Variants in NLRC5 observed in about 807,000 individuals in gnomAD.
NLRC5 encodes the protein protein NLRC5.
A neutral mutation model predicts 206.9 loss-of-function variants in NLRC5; 114 were observed. That is an observed-to-expected ratio of 0.55 (90% confidence interval 0.47 to 0.64). NLRC5 has a LOEUF of 0.64. Ranked by LOEUF, NLRC5 falls within the 30% of genes least tolerant of loss-of-function variation. The pLI, the probability that NLRC5 is intolerant of heterozygous loss-of-function variation, is 0.00. For missense variants in NLRC5, 2,008 were observed against 2,305.5 expected, an observed-to-expected ratio of 0.87 and a Z score of 2.64; for synonymous variants, 952 against 962.8, an observed-to-expected ratio of 0.99 and a Z score of 0.21.
At chr16:57,043,692 T>C in intron 20 of NLRC5, 88 bp downstream of exon 20, 1 of 1,025,286 alleles carries the variant, frequency 9.8e-7, no homozygotes, top group Non-Finnish European at 1.6e-6. Context: ...TCCACCAGTT[T>C]CATGCCAACC....
intron 14 of NLRC5, 80 bp downstream of exon 14, chr16:57,036,263 T>A: frequency 1.5e-6 from 2 of 1,296,724 alleles, no homozygotes; most frequent in South Asian, 1.2e-5. Flanking sequence ...TAATCAGCAG[T>A]AAGGGTGCTG....
rs2062223808 is a variant in NLRC5 at position 57,034,189 on chromosome 16, G to A, written c.2565G>A (p.Gln855=). The A allele has an allele frequency of 6.2e-7, 1 of 1,614,100 alleles. No homozygotes were observed. Among genetic ancestry groups the A allele is most frequent in the Non-Finnish European group, 8.5e-7 (1 of 1,179,990 alleles). The change falls in exon 13 of 49, where the codon CAG becomes CAA. Residue 855 remains glutamine (Q), a synonymous_variant. Transcript: ENST00000688547. The stretch of plus-strand genomic sequence containing the variant: ...CAAGGCTGCAGAAGTGTCAGCTCCA[G>A]GTCCACGATGCGGAGGCCCTCATAG... ...LTLRLQKCQL[Q]VHDAEALIAL... is the part of the protein sequence containing the mutation.
In NLRC5 at chr16:57,075,987, C is replaced by T. The variant is rs182981649; in HGVS notation, c.4752-832C>T. The T allele has an allele frequency of 4.7e-3, 788 of 168,564 alleles. 14 individuals carry two copies. Among genetic ancestry groups the T allele is most frequent in the African/African-American group, 0.018 (759 of 41,700 alleles). The allele number at this position is 168,564 out of a possible 1,614,324, so 10.4% of individuals were successfully genotyped here. On this transcript the variant is annotated intron_variant, in intron 39 of 48. Coordinates refer to ENST00000688547, the MANE Select transcript of NLRC5 (RefSeq NM_001384950.1). Reference sequence around the variant, plus strand: ...GGAGTGCAGTGGCATGATCTCACTTCACTGCAACCTCTGCCTCCTGGGTTC... The same window carrying T: ...GGAGTGCAGTGGCATGATCTCACTTTACTGCAACCTCTGCCTCCTGGGTTC...
At chr16:57,064,082 A>G (rs933138855) in intron 32 of NLRC5, among the ~76,000 whole-genome samples, 1 of 146,988 alleles carries the variant, frequency 6.8e-6, no homozygotes, top group African/African-American at 2.5e-5. Context: ...TAAAAATAAT[A>G]TTGGTTGGGG....
intron 1 of NLRC5, among the ~76,000 whole-genome samples, chr16:57,001,592 C>A (rs558661839): frequency 2.0e-5 from 3 of 152,136 alleles, no homozygotes; most frequent in South Asian, 4.2e-4. Flanking sequence ...GTGGATTGAA[C>A]CTTTTTTTTA....
chr16:56,993,539 G>A, intron 1 of NLRC5, among the ~76,000 whole-genome samples: 1 of 152,152 alleles, frequency 6.6e-6, no homozygotes, highest in East Asian at 1.9e-4. Context: ...GGATAAATAA[G>A]GCAAATTATC....
At chr16:57,045,595 G>T (rs931841694) in intron 21 of NLRC5, 103 bp downstream of exon 21, 1 of 1,092,690 alleles carries the variant, frequency 9.2e-7, no homozygotes. Flanking sequence ...TCAGCTCTCA[G>T]TTAAACCACC....
chr16:57,025,395 T>C lies in NLRC5; in HGVS notation c.452T>C (p.Leu151Pro). The C allele has an allele frequency of 6.5e-7, 1 of 1,548,312 alleles. No individual in the cohort carries two copies. Among genetic ancestry groups the C allele is most frequent in the South Asian group, 1.2e-5 (1 of 80,208 alleles). Residue 151 changes from leucine to proline, a missense_variant, in exon 6 of 49, where the codon CTG becomes CCG. Physicochemically the swap from Leu to Pro is moderately conservative, Grantham distance 98. Transcript: ENST00000688547. ...TTGGCCAAGAAGTACCTGCAGCTCCTGCGGACCTCTGCCCAGCAGCGCTAC... is the reference window on the plus strand; with the variant it reads ...TTGGCCAAGAAGTACCTGCAGCTCCCGCGGACCTCTGCCCAGCAGCGCTAC... ...LELAKKYLQLLRTSAQQRYRS... is the reference protein window; with the variant it reads ...LELAKKYLQLPRTSAQQRYRS...
chr16:57,053,662 G>A (rs2065225375), intron 24 of NLRC5, among the ~76,000 whole-genome samples: 1 of 152,162 alleles, frequency 6.6e-6, no homozygotes, highest in African/African-American at 2.4e-5. Flanking sequence ...CCAAGTAGCT[G>A]GGATTACAGG....
In NLRC5 at chr16:57,004,304, C is replaced by G. The variant is rs150264273; in HGVS notation, c.-127-12770C>G. On this transcript the variant is annotated intron_variant, in intron 1 of 48. Transcript: ENST00000688547. ...TGTTTTTTGTTGTTTAAATTGAGAC[C>G]AGCTCTCACAATGTTGCCCAGGCTC... 2.3e-3 allele frequency among the ~76,000 whole-genome samples: 352 copies of G among 152,180 alleles called. 1 individual carries two copies. Among genetic ancestry groups the G allele is most frequent in the African/African-American group, 8.1e-3 (337 of 41,500 alleles).
chr16:57,011,282 G>A (rs979079675), intron 1 of NLRC5, among the ~76,000 whole-genome samples: 4 of 152,042 alleles, frequency 2.6e-5, no homozygotes, highest in Non-Finnish European at 5.9e-5. Flanking sequence ...GCATGGTGGT[G>A]GGTGCCTATA....
Position 57,067,376 on chromosome 16 carries a change from T to A in NLRC5, c.4323-11T>A, listed in dbSNP as rs2067186527. Reference sequence around the variant, plus strand: ...ATGTTCCAAAACTGTCGTCTCCCTGTCTGTGTCCAGGTTGGCTCACTGTGA... The same window carrying A: ...ATGTTCCAAAACTGTCGTCTCCCTGACTGTGTCCAGGTTGGCTCACTGTGA... On this transcript the variant is annotated splice_polypyrimidine_tract_variant and intron_variant, in intron 34 of 48. Transcript: ENST00000688547. 1.9e-6 allele frequency: 3 copies of A among 1,613,488 alleles called. No homozygotes were observed. In the Middle Eastern group the frequency reaches 4.9e-4, roughly 265 times the overall value.
chr16:57,053,674 G>A (rs1275155927), intron 24 of NLRC5, among the ~76,000 whole-genome samples: 15 of 152,068 alleles, frequency 9.9e-5, no homozygotes, highest in Admixed American at 7.9e-4. Flanking sequence ...GATTACAGGC[G>A]TGCACCATCA....
Position 57,055,039 on chromosome 16 carries a change from C to A in NLRC5, c.3604C>A (p.His1202Asn). Residue 1202 changes from histidine (H) to asparagine (N), a missense_variant, in exon 26 of 49, where the codon CAC (histidine) becomes AAC (asparagine). Physicochemically the swap from His to Asn is moderately conservative, Grantham distance 68. Transcript: ENST00000688547. Reference protein sequence around the residue: ...RVKKVDLRSLHHATLHFRSNE... With the variant: ...RVKKVDLRSLNHATLHFRSNE... ...AGGTCCTGTCTGATCCAGGTCCCTG[C>A]ACCATGCAACTTTGCACTTCAGATC... is the stretch of plus-strand genomic sequence containing the variant. 6.2e-7 allele frequency: 1 copy of A among 1,614,232 alleles called. No homozygotes were observed. The highest frequency in any genetic ancestry group is 8.5e-7 in the Non-Finnish European group (1 of 1,180,044).
At position 57,041,534 on chromosome 16, in the gene NLRC5, G is replaced by A; in HGVS notation, c.2989G>A (p.Ala997Thr). ...AAAGCACCTAGAGCAGCTCTGCAAG[G>A]CTCTGGGAGGAAGCTGCCACCTCGG... ...QEKHLEQLCKALGGSCHLGHL... is the reference protein window; with the variant it reads ...QEKHLEQLCKTLGGSCHLGHL... The change falls in exon 18 of 49, where the codon GCT becomes ACT. Residue 997 changes from alanine (A) to threonine (T), a missense_variant. Ala to Thr is a moderately conservative substitution (Grantham distance 58, BLOSUM62 0). Coordinates refer to ENST00000688547, the MANE Select transcript of NLRC5 (RefSeq NM_001384950.1). 1 of 1,614,172 alleles carries A rather than the reference G, an allele frequency of 6.2e-7. No individual in the cohort carries two copies. The highest frequency in any genetic ancestry group is 8.5e-7 in the Non-Finnish European group (1 of 1,180,012).
intron 24 of NLRC5, 72 bp downstream of exon 24, chr16:57,051,693 G>A: frequency 1.6e-6 from 2 of 1,217,648 alleles, no homozygotes; most frequent in Non-Finnish European, 2.4e-6. Context: ...TGGCAAAGCT[G>A]TACCTGCCCT....
At chr16:57,069,624 T>A in intron 36 of NLRC5, 2 of 582,956 alleles carry the variant, frequency 3.4e-6, no homozygotes, top group Non-Finnish European at 6.1e-6. Context: ...TGACTGCGGT[T>A]TAGGAAATAC....
chr16:56,996,597 T>C (rs553077608), intron 1 of NLRC5, among the ~76,000 whole-genome samples: 2 of 152,252 alleles, frequency 1.3e-5, no homozygotes, highest in African/African-American at 4.8e-5. Context: ...TGTTCTGGCT[T>C]TCAGATAAGT....
chr16:57,023,283 AAAATCCATAC>A (rs1487994778), intron 4 of NLRC5, among the ~76,000 whole-genome samples: 5 of 152,336 alleles, frequency 3.3e-5, no homozygotes, highest in African/African-American at 1.2e-4. Context: ...GTGATTGTTG[AAAATCCATAC>A]AATGAGACAA....
Sources: allele counts gnomAD v4.1 joint callset (sites outside exome capture counted in the v4.1 genomes callset), GRCh38; gene constraint gnomAD v4.1.1; transcripts MANE v1.5; gene names NCBI Gene and HGNC (gene_info 2026-07-23, HGNC 2026-07-21).